Variants in USH2A observed in about 807,000 individuals in gnomAD.
USH2A encodes Usher syndrome 2A (autosomal recessive, mild).
In USH2A, 443 loss-of-function variants were observed where a neutral mutation model predicts 538.9. That is an observed-to-expected ratio of 0.82 (90% CI 0.76 to 0.89). The LOEUF is 0.89. Ranked by LOEUF, USH2A falls within the 40% of genes least tolerant of loss-of-function variation. The pLI is 0.00. For missense variants in USH2A, 6,633 were observed against 6,324.8 expected (o/e 1.05, Z -1.65); for synonymous variants, 2,413 against 2,273.5 (o/e 1.06, Z -1.75).
rs779000518 is a variant in USH2A, at chr1:215,741,554, T to C, written c.11549-17A>G. The stretch of plus-strand genomic sequence containing the variant: ...CACAACTTCCTTGAAAAAAAAAAAA[T>C]TGAGGTCTTTATTATTTTTCAAGCA... On this transcript the variant is annotated splice_polypyrimidine_tract_variant and intron_variant, in intron 59 of 71. Transcript: ENST00000307340. 2.1e-5 allele frequency: 33 copies of C among 1,596,314 alleles called. No homozygotes were observed. The highest frequency in any genetic ancestry group is 2.7e-5 in the Non-Finnish European group (32 of 1,168,836).
chr1:216,224,696 C>G (rs1409758936), intron 14 of USH2A, among the ~76,000 whole-genome samples: 3 of 152,026 alleles, frequency 2.0e-5, no homozygotes, highest in African/African-American at 7.2e-5. Context: ...ATACAAAAAA[C>G]TGTGTAGCAA....
At chr1:215,771,942 T>G (rs73088894) in intron 55 of USH2A, among the ~76,000 whole-genome samples, 33,211 of 152,096 alleles carry the variant, frequency 0.22, 5,799 homozygotes, top group African/African-American at 0.49. Context: ...GTTTTTATAT[T>G]TTTCATATTG....
At chr1:216,078,794 A>G (rs1416999056) in intron 26 of USH2A, among the ~76,000 whole-genome samples, 1 of 152,156 alleles carries the variant, frequency 6.6e-6, no homozygotes, top group Non-Finnish European at 1.5e-5. Context: ...ATATGGCAAG[A>G]CAATAAGAAA....
chr1:216,207,145 ATC>A (rs2035131455), intron 16 of USH2A, 126 bp downstream of exon 16: 4 of 1,105,436 alleles, frequency 3.6e-6, no homozygotes, highest in Non-Finnish European at 4.0e-6. Flanking sequence ...TTGTAATTTT[ATC>A]TCTGTTTGAA....
chr1:216,400,257 T>C (rs2039284187), intron 3 of USH2A, among the ~76,000 whole-genome samples: 1 of 150,130 alleles, frequency 6.7e-6, no homozygotes, highest in South Asian at 2.1e-4. Flanking sequence ...AAACGGAAAC[T>C]AAATAACTGA....
chr1:216,367,839 G>T (rs931830345), intron 3 of USH2A, among the ~76,000 whole-genome samples: 2 of 152,152 alleles, frequency 1.3e-5, no homozygotes, highest in East Asian at 3.9e-4. Context: ...AGCTCATTCC[G>T]ATGGTCCCCT....
Position 216,174,035 on chromosome 1 carries a change from C to T in USH2A, c.4627+1217G>A, listed in dbSNP as rs962777222. 8.1e-6 allele frequency: 8 copies of T among 984,764 alleles called. No homozygotes were observed. In the African/African-American group the frequency reaches 1.4e-4, roughly 17 times the overall value. 61.0% of individuals were successfully genotyped at this position (984,764 alleles called of 1,614,324 possible). A position where few individuals can be genotyped will look rare whatever the true frequency, so the allele number is the denominator to read the frequency against. Reference sequence around the variant, plus strand: ...AATACTCTGCAATGATTTTGATGTACTGAGAGAGTAGTTAATCATGCATTA... The same window carrying T: ...AATACTCTGCAATGATTTTGATGTATTGAGAGAGTAGTTAATCATGCATTA... On this transcript the variant is annotated intron_variant, in intron 21 of 71. Coordinates refer to ENST00000307340, the MANE Select transcript of USH2A (RefSeq NM_206933.4).
intron 21 of USH2A, among the ~76,000 whole-genome samples, chr1:216,106,680 A>AT (rs1321306803): frequency 6.7e-6 from 1 of 149,744 alleles, no homozygotes; most frequent in Non-Finnish European, 1.5e-5. Flanking sequence ...TTCTGCCTTA[A>AT]TTTTTTTCAT....
At chr1:215,810,670 T>C (rs1558108855) in intron 49 of USH2A, among the ~76,000 whole-genome samples, 1 of 152,164 alleles carries the variant, frequency 6.6e-6, no homozygotes, top group Non-Finnish European at 1.5e-5. Context: ...AGCAATGATT[T>C]GTAATCAAGG....
intron 9 of USH2A, among the ~76,000 whole-genome samples, chr1:216,305,587 GTT>G (rs57750163): frequency 1.4e-5 from 2 of 148,092 alleles, no homozygotes; most frequent in African/African-American, 4.9e-5. Flanking sequence ...TTTAAATTGT[GTT>G]TTTTTTTTAT....
In USH2A at chr1:216,289,347, A is replaced by G. The variant is rs1350620951; in HGVS notation, c.1904T>C (p.Ile635Thr). The G allele has an allele frequency of 3.7e-6, 6 of 1,613,880 alleles. No homozygotes were observed. Among genetic ancestry groups the G allele is most frequent in the African/African-American group, 1.3e-5 (1 of 74,928 alleles). ...ACAGTCACAGGGTTTGCAAACATCT[A>G]TGGCCGAAGGATCTGCACCAACTTG... The part of the protein sequence containing the change: ...FRQVGADPSA[I>T]DVCKPCDCDT... The change falls in exon 11 of 72, where the codon ATA (isoleucine) becomes ACA (threonine). Residue 635 changes from isoleucine (I) to threonine (T), a missense_variant. Ile to Thr is a moderately conservative substitution (Grantham distance 89). Coordinates refer to ENST00000307340, the MANE Select transcript of USH2A (RefSeq NM_206933.4).
At chr1:215,744,770 A>T (rs1454471772) in intron 58 of USH2A, among the ~76,000 whole-genome samples, 1 of 152,250 alleles carries the variant, frequency 6.6e-6, no homozygotes, top group East Asian at 1.9e-4. Flanking sequence ...GATCATCTTC[A>T]GAAGTACTGA....
At chr1:215,745,497 G>A (rs188247675) in intron 58 of USH2A, among the ~76,000 whole-genome samples, 4 of 152,140 alleles carry the variant, frequency 2.6e-5, no homozygotes, top group Non-Finnish European at 5.9e-5. Flanking sequence ...AATGTCAACC[G>A]TATAAATTAG....
In USH2A at chr1:216,097,721, C is replaced by A. The variant is rs550184041; in HGVS notation, c.4628-508G>T. Among the ~76,000 whole-genome samples the A allele has an allele frequency of 4.6e-5, 7 of 152,304 alleles. No homozygotes were observed. In the South Asian group the frequency reaches 6.2e-4, roughly 14 times the overall value. On this transcript the variant is annotated intron_variant, in intron 21 of 71. Transcript: ENST00000307340. ...ACCCTATAACCAAATGGTTTGCAGC[C>A]TTCAGAATTTTGGGATCTTTACTGA... is the stretch of plus-strand genomic sequence containing the variant.
intron 32 of USH2A, among the ~76,000 whole-genome samples, chr1:216,042,944 C>T (rs74143914): frequency 1.5e-3 from 221 of 152,060 alleles, no homozygotes; most frequent in African/African-American, 5.0e-3. Context: ...CTGCAAGCCA[C>T]GGAAAGAGAC....
chr1:215,857,340 G>A (rs1664196091), intron 44 of USH2A, among the ~76,000 whole-genome samples: 1 of 152,168 alleles, frequency 6.6e-6, no homozygotes, highest in African/African-American at 2.4e-5. Context: ...GACTTCTTGA[G>A]TTTGAAGTGT....
At chr1:216,208,386 C>A (rs2035166368) in intron 15 of USH2A, among the ~76,000 whole-genome samples, 1 of 151,976 alleles carries the variant, frequency 6.6e-6, no homozygotes, top group Non-Finnish European at 1.5e-5. Flanking sequence ...ACTTTTAAAC[C>A]ATTCATCTTT....
chr1:216,149,230 A>G (rs988058317), intron 21 of USH2A, among the ~76,000 whole-genome samples: 8 of 152,140 alleles, frequency 5.3e-5, no homozygotes, highest in Non-Finnish European at 1.0e-4. Context: ...AGAGGCCCTC[A>G]AAATAAGTAG....
chr1:216,278,478 T>C (rs1013558302), intron 11 of USH2A, among the ~76,000 whole-genome samples: 1 of 152,212 alleles, frequency 6.6e-6, no homozygotes, highest in Admixed American at 6.5e-5. Context: ...CTCAGAATAA[T>C]GAGATATTAC....
Sources: allele counts gnomAD v4.1 joint callset (sites outside exome capture counted in the v4.1 genomes callset), GRCh38; gene constraint gnomAD v4.1.1; transcripts MANE v1.5; gene names NCBI Gene and HGNC (gene_info 2026-07-23, HGNC 2026-07-21).